The following CACNA1C variants were observed in gnomAD, a reference collection of about 807,000 sequenced individuals.
CACNA1C encodes voltage-dependent L-type calcium channel subunit alpha-1C.
In CACNA1C, 30 loss-of-function variants were observed where a neutral mutation model predicts 229.0. That is an observed-to-expected ratio of 0.13 (90% CI 0.10 to 0.18). CACNA1C has a LOEUF of 0.18. CACNA1C is among the 10% of genes least tolerant of loss of function. The probability of loss-of-function intolerance (pLI) is 1.00; values close to 1 mark genes in which losing one functional copy is unlikely to be tolerated. For synonymous variants in CACNA1C, 1,114 were observed against 1,132.5 expected, an observed-to-expected ratio of 0.98 and a Z score of 0.33; for missense variants, 1,658 against 2,845.0, an observed-to-expected ratio of 0.58 and a Z score of 9.49.
intron 3 of CACNA1C, among the ~76,000 whole-genome samples, chr12:2,422,798 C>G (rs1285225014): frequency 6.6e-6 from 1 of 152,098 alleles, no homozygotes; most frequent in African/African-American, 2.4e-5. Flanking sequence ...GCTCAGCAAG[C>G]AAAGCCCTGG....
At chr12:2,450,433 A>G (rs991346297) in intron 4 of CACNA1C, among the ~76,000 whole-genome samples, 2 of 151,330 alleles carry the variant, frequency 1.3e-5, no homozygotes, top group Non-Finnish European at 2.9e-5. Context: ...GGGCGCCTGT[A>G]GTCCCAGCTA....
intron 5 of CACNA1C, among the ~76,000 whole-genome samples, chr12:2,461,641 G>A (rs1038698289): frequency 2.0e-5 from 3 of 152,206 alleles, no homozygotes; most frequent in Non-Finnish European, 2.9e-5. Flanking sequence ...CAAGACTCAT[G>A]GCAGAACTCA....
chr12:2,424,126 G>A lies in CACNA1C; in HGVS notation c.478-24850G>A, dbSNP rs141124531. Among the ~76,000 whole-genome samples, 465 of 152,330 alleles carry A rather than the reference G, an allele frequency of 3.1e-3. 3 individuals carry two copies. The highest frequency in any genetic ancestry group is 0.011 in the African/African-American group (453 of 41,554). On this transcript the variant is annotated intron_variant, in intron 3 of 46. Transcript: ENST00000399655. ...CAAGGTCTGGTGCCTCATTAATGGC[G>A]TCTTCAGCGCCACAAGCTGAGGCTA... is the stretch of plus-strand genomic sequence containing the variant.
intron 1 of CACNA1C, among the ~76,000 whole-genome samples, chr12:2,095,365 T>C (rs1321966273): frequency 6.6e-6 from 1 of 152,184 alleles, no homozygotes; most frequent in African/African-American, 2.4e-5. Flanking sequence ...ACAGAGATGA[T>C]CGAGTGTTAC....
chr12:2,241,116 C>T (rs1414330068), intron 3 of CACNA1C, among the ~76,000 whole-genome samples: 1 of 152,046 alleles, frequency 6.6e-6, no homozygotes, highest in African/African-American at 2.4e-5. Context: ...TTGCGAGGCT[C>T]CTGGCAGCTT....
chr12:2,135,269 A>G (rs1346757236), intron 3 of CACNA1C, among the ~76,000 whole-genome samples: 2 of 145,486 alleles, frequency 1.4e-5, no homozygotes, highest in East Asian at 2.0e-4. Context: ...CCCGTAGCTC[A>G]GAGTAATTTG....
chr12:2,687,573 CT>C (rs1413051796), intron 45 of CACNA1C, among the ~76,000 whole-genome samples: 53 of 147,054 alleles, frequency 3.6e-4, no homozygotes, highest in African/African-American at 1.3e-3. Context: ...GAGTTTTGCT[CT>C]TGTTGCCCAG....
intron 5 of CACNA1C, among the ~76,000 whole-genome samples, chr12:2,468,481 G>A (rs1450117692): frequency 2.0e-5 from 3 of 151,816 alleles, no homozygotes; most frequent in Non-Finnish European, 4.4e-5. Context: ...TTTAGAGATA[G>A]GCAAATCCAG....
At chr12:2,158,396 C>G (rs973332273) in intron 3 of CACNA1C, among the ~76,000 whole-genome samples, 1 of 151,982 alleles carries the variant, frequency 6.6e-6, no homozygotes, top group African/African-American at 2.4e-5. Flanking sequence ...GGCAACATGG[C>G]GAAACCATGT....
intron 1 of CACNA1C, among the ~76,000 whole-genome samples, chr12:2,106,814 G>T (rs1224165522): frequency 7.7e-6 from 1 of 130,718 alleles, no homozygotes; most frequent in South Asian, 2.6e-4. Flanking sequence ...CCCCGGGGAG[G>T]GTTTCCACCT....
chr12:2,493,454 C>T lies in CACNA1C; in HGVS notation c.1113+68C>T. On this transcript the variant is annotated intron_variant, in intron 7 of 46. Coordinates refer to ENST00000399655, the MANE Select transcript of CACNA1C (RefSeq NM_000719.7). The surrounding 1 kb of genome is among the most constrained non-coding windows in gnomAD (Gnocchi z 4.6). ...GCCGTGAACCCTTCCCTGACACCTC[C>T]CTTTCTCCTCCTCCCCATGGTCTTG... 1 of 1,144,868 alleles carries T rather than the reference C, an allele frequency of 8.7e-7. No individual in the cohort carries two copies. The highest frequency in any genetic ancestry group is 1.3e-6 in the Non-Finnish European group (1 of 761,150). 70.9% of individuals were successfully genotyped at this position (1,144,868 alleles called of 1,614,324 possible).
chr12:2,205,409 T>C (rs2097727265), intron 3 of CACNA1C, among the ~76,000 whole-genome samples: 1 of 152,198 alleles, frequency 6.6e-6, no homozygotes, highest in African/African-American at 2.4e-5. Flanking sequence ...CGGGTCTCAT[T>C]ATGTGTCACT....
chr12:2,650,288 G>A (rs1452904448), intron 31 of CACNA1C, among the ~76,000 whole-genome samples: 2 of 152,174 alleles, frequency 1.3e-5, no homozygotes, highest in Non-Finnish European at 1.5e-5. Context: ...GGCCTCTGAC[G>A]CCTCATCAGG....
rs1192563425 is a variant in CACNA1C at position 2,597,932 on chromosome 12, A to G, written c.2853+643A>G. ...TGGGAAACCTCCTGGGGCGTGAAAG[A>G]ATCACTTGAGCTACTCTCTTTGGAT... On this transcript the variant is annotated intron_variant, in intron 21 of 46. Transcript: ENST00000399655. The surrounding 1 kb of genome is among the most constrained non-coding windows in gnomAD (Gnocchi z 4.3). Among the ~76,000 whole-genome samples the G allele has an allele frequency of 6.6e-6, 1 of 152,206 alleles. No homozygotes were observed. The highest frequency in any genetic ancestry group is 2.4e-5 in the African/African-American group (1 of 41,452).
chr12:2,055,979 C>T (rs1350850588), intron 1 of CACNA1C, among the ~76,000 whole-genome samples: 3 of 152,020 alleles, frequency 2.0e-5, no homozygotes, highest in African/African-American at 7.2e-5. Flanking sequence ...GGCGGGTGAG[C>T]CATCATAGGG....
chr12:2,089,172 T>C (rs1394246936), intron 1 of CACNA1C, among the ~76,000 whole-genome samples: 1 of 152,148 alleles, frequency 6.6e-6, no homozygotes, highest in Non-Finnish European at 1.5e-5. Context: ...TGACATTGCA[T>C]GAGTGTATAG....
intron 3 of CACNA1C, among the ~76,000 whole-genome samples, chr12:2,123,004 T>G (rs1272791995): frequency 6.6e-6 from 1 of 152,172 alleles, no homozygotes; most frequent in African/African-American, 2.4e-5. Flanking sequence ...TTAGTCAGCT[T>G]TGGGAACAAC....
intron 9 of CACNA1C, among the ~76,000 whole-genome samples, chr12:2,513,725 A>G (rs911484821): frequency 6.6e-6 from 1 of 152,230 alleles, no homozygotes; most frequent in Non-Finnish European, 1.5e-5. Flanking sequence ...TTCTCAAAGC[A>G]TGGCCGCTGA....
intron 1 of CACNA1C, among the ~76,000 whole-genome samples, chr12:2,107,712 T>G (rs921860320): frequency 6.6e-6 from 1 of 152,266 alleles, no homozygotes; most frequent in Non-Finnish European, 1.5e-5. Context: ...TCTTATGCTT[T>G]GAAAATATGT....
Sources: gnomAD v4.1 joint callset for allele counts (sites outside exome capture counted in the v4.1 genomes callset) on GRCh38, gnomAD v4.1.1 for gene constraint, Gnocchi (gnomAD v3.1) non-coding constraint, MANE v1.5 for transcripts, NCBI Gene and HGNC (gene_info 2026-07-23, HGNC 2026-07-21) for gene names.